The following SPOCK3 variants were observed in gnomAD, a reference collection of about 807,000 sequenced individuals.
SPOCK3 encodes the protein testican-3.
SPOCK3 carries 30 observed loss-of-function variants against 56.6 expected under a neutral mutation model. That is an observed-to-expected ratio of 0.53 (90% CI 0.40 to 0.72). SPOCK3 has a LOEUF of 0.72. SPOCK3 is among the 30% of genes least tolerant of loss of function. The pLI is 0.00. For synonymous variants in SPOCK3, 196 were observed against 183.3 expected, an observed-to-expected ratio of 1.07 and a Z score of -0.56; for missense variants, 527 against 530.0, an observed-to-expected ratio of 0.99 and a Z score of 0.06.
intron 2 of SPOCK3, among the ~76,000 whole-genome samples, chr4:167,102,766 C>T (rs1413416885): frequency 2.6e-5 from 4 of 151,918 alleles, no homozygotes; most frequent in African/African-American, 2.4e-5. Flanking sequence ...AACCTCGCCA[C>T]CATGGCCAAA....
rs202134923 is a variant in SPOCK3, at chr4:167,140,024, T to C, written c.190-77487A>G. Among the ~76,000 whole-genome samples the C allele has an allele frequency of 2.0e-5, 3 of 152,036 alleles. No homozygotes were observed. The East Asian group carries it at 5.8e-4, about 29-fold the overall frequency. On this transcript the variant is annotated intron_variant, in intron 2 of 10. Transcript: ENST00000357545. ...CCTGAACGAGTTTGCCAATATGACG[T>C]AGTCAAGTCTGCAGTAGAAGTTGTC...
chr4:166,905,722 T>TA (rs888008993), intron 5 of SPOCK3, among the ~76,000 whole-genome samples: 66 of 151,900 alleles, frequency 4.3e-4, no homozygotes, highest in Non-Finnish European at 7.5e-4. Flanking sequence ...ATATTATATG[T>TA]AAAAAAATCT....
At chr4:166,743,912 G>T (rs905045663) in intron 8 of SPOCK3, among the ~76,000 whole-genome samples, 1 of 152,136 alleles carries the variant, frequency 6.6e-6, no homozygotes, top group Non-Finnish European at 1.5e-5. Flanking sequence ...GGGGAGGGGG[G>T]TCCACCTTTG....
chr4:167,214,259 G>A (rs1013755701), intron 2 of SPOCK3, among the ~76,000 whole-genome samples: 1 of 152,020 alleles, frequency 6.6e-6, no homozygotes, highest in African/African-American at 2.4e-5. Context: ...TTTTTATGTA[G>A]TTTAAAGAAT....
At chr4:167,151,508 C>A (rs904441564) in intron 2 of SPOCK3, among the ~76,000 whole-genome samples, 4 of 149,906 alleles carry the variant, frequency 2.7e-5, no homozygotes, top group Non-Finnish European at 5.9e-5. Flanking sequence ...GATCTCGACT[C>A]ACTGCAAGCT....
Position 167,154,407 on chromosome 4 carries a change from A to T in SPOCK3, c.189+79578T>A, listed in dbSNP as rs528601162. On this transcript the variant is annotated intron_variant, in intron 2 of 10. Transcript: ENST00000357545. ...CAGCGCAAAGCATACATGCAGAATG[A>T]GTGTGGTCAGCAACCGAGAAAAAAT... is the stretch of plus-strand genomic sequence containing the variant. Among the ~76,000 whole-genome samples, 4 of 152,196 alleles carry T rather than the reference A, an allele frequency of 2.6e-5. No homozygotes were observed. In the East Asian group the frequency reaches 5.8e-4, roughly 22 times the overall value.
intron 2 of SPOCK3, among the ~76,000 whole-genome samples, chr4:167,120,972 T>TA (rs1761818496): frequency 1.3e-5 from 2 of 151,844 alleles, no homozygotes; most frequent in East Asian, 1.9e-4. Context: ...TTTTTCAATA[T>TA]AAAAAAATGC....
At chr4:166,766,878 T>A (rs1738153377) in intron 7 of SPOCK3, among the ~76,000 whole-genome samples, 1 of 152,196 alleles carries the variant, frequency 6.6e-6, no homozygotes, top group South Asian at 2.1e-4. Context: ...CTGTTATTGG[T>A]CTATTCAGGG....
intron 5 of SPOCK3, among the ~76,000 whole-genome samples, chr4:166,890,274 A>C (rs1251695023): frequency 6.6e-6 from 1 of 151,866 alleles, no homozygotes; most frequent in African/African-American, 2.4e-5. Context: ...GAATGCCTGA[A>C]TCTAAATCTT....
chr4:166,829,844 GCA>G (rs1332185966), intron 6 of SPOCK3, among the ~76,000 whole-genome samples: 3 of 151,884 alleles, frequency 2.0e-5, no homozygotes, highest in Non-Finnish European at 4.4e-5. Flanking sequence ...ATCTCCCAAG[GCA>G]CACAGATTAT....
chr4:166,871,775 A>G (rs1209123817), intron 6 of SPOCK3, among the ~76,000 whole-genome samples: 1 of 151,270 alleles, frequency 6.6e-6, no homozygotes, highest in Non-Finnish European at 1.5e-5. Context: ...ATCTTATGAT[A>G]TTTTAGCAAA....
At position 167,179,732 on chromosome 4, in the gene SPOCK3, C is replaced by A. The variant is rs560326938; in HGVS notation, c.189+54253G>T. Among the ~76,000 whole-genome samples, 429 of 152,168 alleles carry A rather than the reference C, an allele frequency of 2.8e-3. 2 individuals carry two copies. The highest frequency in any genetic ancestry group is 4.5e-3 in the Non-Finnish European group (303 of 68,012). On this transcript the variant is annotated intron_variant, in intron 2 of 10. Coordinates refer to ENST00000357545, the MANE Select transcript of SPOCK3 (RefSeq NM_001040159.2). ...GATACCGCATTATATTAATAAAGATCTTTTCATTCACGGTATGTAAGAGGC... is the reference window on the plus strand; with the variant it reads ...GATACCGCATTATATTAATAAAGATATTTTCATTCACGGTATGTAAGAGGC...
chr4:166,850,710 G>A (rs957789189), intron 6 of SPOCK3, among the ~76,000 whole-genome samples: 10 of 152,222 alleles, frequency 6.6e-5, no homozygotes, highest in African/African-American at 1.7e-4. Flanking sequence ...GGTGACAGAC[G>A]GCACCTGGAA....
rs138290106 is a variant in SPOCK3 at position 166,958,761 on chromosome 4, G to A, written c.350+41588C>T. On this transcript the variant is annotated intron_variant, in intron 4 of 10. Transcript: ENST00000357545. ...AAATTTCTTTATTTTGCTATTGTCTGTCTCCTTCTACTAGAACCTAAGGTC... is the reference window on the plus strand; with the variant it reads ...AAATTTCTTTATTTTGCTATTGTCTATCTCCTTCTACTAGAACCTAAGGTC... Among the ~76,000 whole-genome samples the A allele has an allele frequency of 1.9e-3, 283 of 152,254 alleles. 2 individuals are homozygous for A. Among genetic ancestry groups the A allele is most frequent in the Non-Finnish European group, 3.2e-3 (221 of 68,008 alleles).
rs201880131 is a variant in SPOCK3, at chr4:167,178,587, TATTA to T, written c.189+55394_189+55397del. Among the ~76,000 whole-genome samples, 592 of 152,300 alleles carry T rather than the reference TATTA, an allele frequency of 3.9e-3. 2 individuals carry two copies. Among genetic ancestry groups the T allele is most frequent in the African/African-American group, 0.013 (538 of 41,568 alleles). On this transcript the variant is annotated intron_variant, in intron 2 of 10. Transcript: ENST00000357545. ...ATATGCTCTTTGTTTGACCAACATA[TATTA>T]ATTGTTACATAACTTAATCCTATAG...
chr4:166,839,670 T>C (rs1435456968), intron 6 of SPOCK3, among the ~76,000 whole-genome samples: 2 of 152,170 alleles, frequency 1.3e-5, no homozygotes, highest in African/African-American at 2.4e-5. Context: ...TAGAACTGTG[T>C]CCTCAAGTTC....
chr4:167,221,429 CTG>C (rs1735909105), intron 2 of SPOCK3, among the ~76,000 whole-genome samples: 1 of 151,976 alleles, frequency 6.6e-6, no homozygotes, highest in South Asian at 2.1e-4. Flanking sequence ...TCTGTAGTAA[CTG>C]TTTTAAAGTG....
At chr4:167,215,965 A>C (rs2111063724) in intron 2 of SPOCK3, among the ~76,000 whole-genome samples, 1 of 152,126 alleles carries the variant, frequency 6.6e-6, no homozygotes, top group East Asian at 1.9e-4. Context: ...GTGAGCATGG[A>C]ATTGAAGAAA....
intron 3 of SPOCK3, among the ~76,000 whole-genome samples, chr4:167,038,268 G>C (rs886387115): frequency 2.0e-5 from 3 of 152,072 alleles, no homozygotes; most frequent in African/African-American, 7.2e-5. Context: ...CTTTCAGTTG[G>C]ACATAAGAGA....
Sources: gnomAD v4.1 joint callset for allele counts (sites outside exome capture counted in the v4.1 genomes callset) on GRCh38, gnomAD v4.1.1 for gene constraint, MANE v1.5 for transcripts, NCBI Gene and HGNC (gene_info 2026-07-23, HGNC 2026-07-21) for gene names.